POU2F1: variants seen among roughly 807,000 people sequenced by gnomAD.
The protein encoded by POU2F1 is POU domain, class 2, transcription factor 1.
A neutral mutation model predicts 84.9 loss-of-function variants in POU2F1; 16 were observed. The ratio of observed to expected loss-of-function variants is 0.19; its 90% CI spans 0.13 to 0.29. POU2F1 has a LOEUF of 0.29. Among genes scored for constraint, POU2F1 ranks in the 10% least tolerant of loss-of-function variants. The pLI, the probability that POU2F1 is intolerant of heterozygous loss-of-function variation, is 1.00. For missense variants in POU2F1, 738 were observed against 942.6 expected (o/e 0.78, Z 2.84); for synonymous variants, 368 against 368.3 (o/e 1.00, Z 0.01).
chr1:167,391,430 C>T (rs1212477978), intron 9 of POU2F1, among the ~76,000 whole-genome samples: 2 of 151,886 alleles, frequency 1.3e-5, no homozygotes, highest in African/African-American at 4.8e-5. Flanking sequence ...TTAAATATTA[C>T]TCAAATTATT....
chr1:167,421,471 C>T lies in POU2F1; in HGVS notation c.*5661C>T, dbSNP rs1272399920. On this transcript the variant is annotated 3_prime_UTR_variant, in exon 16 of 16. Coordinates refer to ENST00000367866, the MANE Select transcript of POU2F1 (RefSeq NM_002697.4). ...GAGCATCCAGTTTGTACCCAGTTTT[C>T]TATATGGTTTGTGAACTGTAGCTTT... is the stretch of plus-strand genomic sequence containing the variant. The T allele has an allele frequency of 6.6e-6, 1 of 152,136 alleles. No individual in the cohort carries two copies. Among genetic ancestry groups the T allele is most frequent in the Non-Finnish European group, 1.5e-5 (1 of 68,020 alleles). The allele number at this position is 152,136 out of a possible 1,614,324, so 9.4% of individuals were successfully genotyped here.
intron 1 of POU2F1, among the ~76,000 whole-genome samples, chr1:167,230,787 A>C (rs1649011664): frequency 6.6e-6 from 1 of 152,230 alleles, no homozygotes; most frequent in African/African-American, 2.4e-5. Context: ...TGAGTGCAGG[A>C]ACATACTGGT....
At chr1:167,389,897 T>A in intron 9 of POU2F1, 136 bp downstream of exon 9, 1 of 955,378 alleles carries the variant, frequency 1.0e-6, no homozygotes, top group Admixed American at 2.3e-5. Flanking sequence ...AAAAGGATGG[T>A]CATGTCTGTA....
At chr1:167,270,676 G>A (rs1459719494) in intron 1 of POU2F1, among the ~76,000 whole-genome samples, 2 of 152,188 alleles carry the variant, frequency 1.3e-5, no homozygotes, top group Admixed American at 1.3e-4. Flanking sequence ...GTCTTCAGGA[G>A]AAATCACTCC....
rs375088487 is a variant in POU2F1 at position 167,326,445 on chromosome 1, G to A, written c.62-6025G>A. On this transcript the variant is annotated intron_variant, in intron 1 of 15. Coordinates refer to ENST00000367866, the MANE Select transcript of POU2F1 (RefSeq NM_002697.4). ...GACATAAATGTGCCATGGTTGGGGA[G>A]TACAGGCAAGAGACGGTGACAGTCC... Among the ~76,000 whole-genome samples, 14 of 152,342 alleles carry A rather than the reference G, an allele frequency of 9.2e-5. No individual in the cohort carries two copies. The East Asian group carries it at 2.5e-3, about 27-fold the overall frequency.
intron 1 of POU2F1, among the ~76,000 whole-genome samples, chr1:167,302,609 C>A (rs1323610411): frequency 6.6e-6 from 1 of 152,118 alleles, no homozygotes; most frequent in African/African-American, 2.4e-5. Flanking sequence ...TTGTTTGTAC[C>A]ATTGCATCTC....
intron 1 of POU2F1, among the ~76,000 whole-genome samples, chr1:167,221,313 C>T (rs1428846720): frequency 6.6e-6 from 1 of 150,818 alleles, no homozygotes; most frequent in Non-Finnish European, 1.5e-5. Flanking sequence ...CGAGCGGGTC[C>T]GCGGCGGGGC....
chr1:167,329,203 C>T, intron 1 of POU2F1: 1 of 1,531,188 alleles, frequency 6.5e-7, no homozygotes, highest in Non-Finnish European at 8.8e-7. Context: ...ATAGTAGTAC[C>T]TTCTTTCCCC....
intron 4 of POU2F1, 124 bp downstream of exon 4, chr1:167,370,338 C>A: frequency 1.4e-6 from 1 of 714,908 alleles, no homozygotes. Flanking sequence ...ATTAGTGAAT[C>A]TCGTGAAGAT....
At chr1:167,364,422 T>C (rs1230319758) in intron 2 of POU2F1, among the ~76,000 whole-genome samples, 8 of 126,866 alleles carry the variant, frequency 6.3e-5, no homozygotes, top group Non-Finnish European at 8.1e-5. Flanking sequence ...CCCAGCTACT[T>C]GGGAGGCTGA....
intron 2 of POU2F1, among the ~76,000 whole-genome samples, chr1:167,351,933 A>T (rs1426124320): frequency 6.6e-6 from 1 of 152,180 alleles, no homozygotes; most frequent in Non-Finnish European, 1.5e-5. Flanking sequence ...TTTGTGGAAA[A>T]ATGACAACAG....
intron 5 of POU2F1, 50 bp from the exon 6 acceptor site, chr1:167,374,055 TAGG>T: frequency 6.4e-7 from 1 of 1,564,862 alleles, no homozygotes; most frequent in Non-Finnish European, 8.8e-7. Context: ...TGGCTTGCAT[TAGG>T]AGACTTTCTC....
At chr1:167,407,777 A>G (rs369945185) in intron 13 of POU2F1, among the ~76,000 whole-genome samples, 5 of 152,356 alleles carry the variant, frequency 3.3e-5, no homozygotes, top group South Asian at 4.1e-4. Context: ...AGGCCTAAAT[A>G]TAAGAGCTGA....
intron 4 of POU2F1, among the ~76,000 whole-genome samples, chr1:167,371,386 A>G (rs1557934533): frequency 6.6e-6 from 1 of 152,002 alleles, no homozygotes; most frequent in Non-Finnish European, 1.5e-5. Flanking sequence ...TTACCGTAAA[A>G]TTTTCTCTTC....
At chr1:167,233,240 G>A (rs920733490) in intron 1 of POU2F1, among the ~76,000 whole-genome samples, 2 of 150,716 alleles carry the variant, frequency 1.3e-5, no homozygotes, top group East Asian at 1.9e-4. Flanking sequence ...GGGCTCAGAT[G>A]AGCCTCCTAC....
chr1:167,337,824 A>G (rs549411342), intron 2 of POU2F1: 11 of 252,328 alleles, frequency 4.4e-5, no homozygotes, highest in African/African-American at 2.3e-4. Context: ...GACATTGATT[A>G]GTAAGGAAAG....
At chr1:167,384,016 ATTTAAT>A in intron 8 of POU2F1, 65 bp downstream of exon 8, 1 of 1,299,006 alleles carries the variant, frequency 7.7e-7, no homozygotes, top group Non-Finnish European at 1.0e-6. Flanking sequence ...TTTGGACTTT[ATTTAAT>A]TTTTTTTTTA....
At chr1:167,259,057 A>G (rs1651357859) in intron 1 of POU2F1, among the ~76,000 whole-genome samples, 1 of 152,082 alleles carries the variant, frequency 6.6e-6, no homozygotes, top group African/African-American at 2.4e-5. Flanking sequence ...AACCAGGCTT[A>G]CTCGTGTATC....
intron 1 of POU2F1, among the ~76,000 whole-genome samples, chr1:167,292,092 CTG>C (rs1653965191): frequency 6.6e-6 from 1 of 151,910 alleles, no homozygotes; most frequent in Non-Finnish European, 1.5e-5. Flanking sequence ...TGCTTTGAGA[CTG>C]TGTGAGGCGG....
Sources: gnomAD v4.1 joint callset for allele counts (sites outside exome capture counted in the v4.1 genomes callset) on GRCh38, gnomAD v4.1.1 for gene constraint, MANE v1.5 for transcripts, NCBI Gene and HGNC (gene_info 2026-07-23, HGNC 2026-07-21) for gene names.